The following FBXL13 variants were observed in gnomAD, a reference collection of about 807,000 sequenced individuals.
FBXL13 encodes the protein F-box and leucine-rich repeat protein 13.
FBXL13 carries 67 observed loss-of-function variants against 83.6 expected under a neutral mutation model. The ratio of observed to expected loss-of-function variants is 0.80; its 90% CI spans 0.66 to 0.98. FBXL13 has a LOEUF of 0.98. Among genes scored for constraint, FBXL13 ranks in the 50% least tolerant of loss-of-function variants. The pLI is 0.00. For synonymous variants in FBXL13, 272 were observed against 299.5 expected (o/e 0.91, Z 0.95); for missense variants, 822 against 866.5 (o/e 0.95, Z 0.64).
intron 17 of FBXL13, among the ~76,000 whole-genome samples, chr7:102,837,223 A>T (rs1030281159): frequency 6.6e-6 from 1 of 152,156 alleles, no homozygotes; most frequent in African/African-American, 2.4e-5. Context: ...CACCACAACT[A>T]AACTCTGCAG....
At chr7:102,933,480 T>C (rs1207635330) in intron 8 of FBXL13, 1 of 153,070 alleles carries the variant, frequency 6.5e-6, no homozygotes, top group Non-Finnish European at 1.5e-5. Flanking sequence ...AAGCATCTTA[T>C]GCGCATGAGC....
chr7:102,813,026 A>G (rs1055904053), downstream of FBXL13, among the ~76,000 whole-genome samples: 1 of 151,990 alleles, frequency 6.6e-6, no homozygotes, highest in Non-Finnish European at 1.5e-5. Flanking sequence ...TATTTTTAGT[A>G]AAGATGGGGT....
intron 6 of FBXL13, among the ~76,000 whole-genome samples, chr7:103,004,986 G>A (rs1790827886): frequency 6.6e-6 from 1 of 152,050 alleles, no homozygotes; most frequent in African/African-American, 2.4e-5. Context: ...GTAAATCAAG[G>A]AACATAGTCC....
chr7:102,882,120 T>C (rs1431486359), intron 14 of FBXL13, among the ~76,000 whole-genome samples: 1 of 151,990 alleles, frequency 6.6e-6, no homozygotes, highest in African/African-American at 2.4e-5. Context: ...ACTAGCTGGA[T>C]ATGATGGAGT....
At chr7:102,922,345 A>G (rs2129471060) in intron 10 of FBXL13, among the ~76,000 whole-genome samples, 1 of 151,992 alleles carries the variant, frequency 6.6e-6, no homozygotes, top group African/African-American at 2.4e-5. Flanking sequence ...TCATGACCAT[A>G]TTTTTTTTAT....
At chr7:102,935,345 G>A (rs1407552621) in intron 8 of FBXL13, among the ~76,000 whole-genome samples, 2 of 147,676 alleles carry the variant, frequency 1.4e-5, no homozygotes, top group Admixed American at 6.8e-5. Context: ...TCCACCTCCC[G>A]GGTTCGAGCA....
At chr7:103,032,252 C>G (rs1794583898) in intron 2 of FBXL13, among the ~76,000 whole-genome samples, 1 of 152,128 alleles carries the variant, frequency 6.6e-6, no homozygotes, top group Admixed American at 6.5e-5. Flanking sequence ...TTCAAACTTA[C>G]AGAGAAATAA....
intron 18 of FBXL13, 115 bp downstream of exon 19, chr7:102,832,725 A>G: frequency 7.9e-7 from 1 of 1,257,888 alleles, no homozygotes; most frequent in Non-Finnish European, 1.0e-6. Flanking sequence ...AATCCAATGA[A>G]TACCTCAACC....
chr7:102,986,296 G>A (rs1353747738), intron 6 of FBXL13, among the ~76,000 whole-genome samples: 1 of 152,204 alleles, frequency 6.6e-6, no homozygotes, highest in East Asian at 1.9e-4. Context: ...GGTGTGTGGG[G>A]ATGGGGAGGT....
At chr7:102,975,950 A>T (rs1261376800) in intron 6 of FBXL13, 2 of 765,356 alleles carry the variant, frequency 2.6e-6, no homozygotes, top group Non-Finnish European at 2.4e-6. Flanking sequence ...ATCCACCTCC[A>T]CCTGGTGCCT....
chr7:102,957,721 C>A lies in FBXL13; in HGVS notation c.724+5812G>T, dbSNP rs184850853. ...ACAAACAAACCCATCAAAAAGTGGG[C>A]AAAGGATATGAACAGACACTTCTTA... On this transcript the variant is annotated intron_variant, in intron 8 of 19. Transcript: ENST00000313221. Among the ~76,000 whole-genome samples the A allele has an allele frequency of 7.8e-3, 1,192 of 152,076 alleles. 23 individuals carry two copies. Among genetic ancestry groups the A allele is most frequent in the African/African-American group, 0.027 (1,136 of 41,460 alleles).
intron 11 of FBXL13, among the ~76,000 whole-genome samples, chr7:102,895,891 G>A: frequency 6.6e-6 from 1 of 152,172 alleles, no homozygotes; most frequent in East Asian, 1.9e-4. Flanking sequence ...AATGAACTGG[G>A]AACTAATGTG....
At chr7:102,867,930 C>T (rs1807989940) in intron 16 of FBXL13, among the ~76,000 whole-genome samples, 1 of 151,476 alleles carries the variant, frequency 6.6e-6, no homozygotes, top group African/African-American at 2.4e-5. Context: ...TCTCGATCTC[C>T]TGATCTCATG....
rs544127114 is a variant in FBXL13, at chr7:102,919,844, G to C, written c.878+6430C>G. On this transcript the variant is annotated intron_variant, in intron 10 of 19. Transcript: ENST00000313221. The stretch of plus-strand genomic sequence containing the variant: ...AAAGATTTTTAAAATTATATTTCCA[G>C]TTATCATCAGATGAATCAAAAGGCT... Among the ~76,000 whole-genome samples, 164 of 152,088 alleles carry C rather than the reference G, an allele frequency of 1.1e-3. 1 individual carries two copies. The highest frequency in any genetic ancestry group is 1.9e-3 in the Non-Finnish European group (129 of 68,028).
chr7:102,884,313 C>A lies in FBXL13; in HGVS notation c.1009-1G>T. The A allele has an allele frequency of 6.2e-7, 1 of 1,610,414 alleles. No individual in the cohort carries two copies. The highest frequency in any genetic ancestry group is 8.5e-7 in the Non-Finnish European group (1 of 1,176,952). ...TGTACCTGAAGCCTTGGACTGAAAT[C>A]TGAATTGTACAGAGTAGAAAATAAT... On this transcript the variant is annotated splice_acceptor_variant, in intron 11 of 19. Transcript: ENST00000313221. LOFTEE classifies it high-confidence loss of function.
Position 102,926,339 on chromosome 7 carries a change from C to CG in FBXL13, c.812dup (p.Val273GlyfsTer8), listed in dbSNP as rs1301967444. The stretch of plus-strand genomic sequence containing the variant: ...TAGACAGATTGAGACACAGGACCCC[C>CG]GGGCAGCCCTCAGAAATGTGTCTCA... On this transcript the variant is annotated frameshift_variant, in exon 10 of 20. Transcript: ENST00000313221. LOFTEE classifies it high-confidence loss of function. The CG allele has an allele frequency of 6.2e-7, 1 of 1,613,826 alleles. No homozygotes were observed. Among genetic ancestry groups the CG allele is most frequent in the African/African-American group, 1.3e-5 (1 of 75,006 alleles).
chr7:102,930,128 T>C (rs536824818), intron 9 of FBXL13, among the ~76,000 whole-genome samples: 1 of 152,200 alleles, frequency 6.6e-6, no homozygotes, highest in East Asian at 1.9e-4. Flanking sequence ...TGGTTCAGTA[T>C]TGAAATAGAG....
intron 17 of FBXL13, among the ~76,000 whole-genome samples, chr7:102,848,125 A>AT (rs903058599): frequency 2.6e-5 from 4 of 152,072 alleles, no homozygotes; most frequent in African/African-American, 7.2e-5. Context: ...ATGAAACCTG[A>AT]TTTTCTCCTG....
chr7:102,878,548 T>C (rs1584749578), intron 14 of FBXL13, 98 bp from the exon 16 acceptor site: 1 of 770,700 alleles, frequency 1.3e-6, no homozygotes, highest in South Asian at 3.5e-5. Flanking sequence ...ATTTCTAAAA[T>C]AGCAAGGTAA....
Sources: allele counts gnomAD v4.1 joint callset (sites outside exome capture counted in the v4.1 genomes callset), GRCh38; gene constraint gnomAD v4.1.1; transcripts MANE v1.5; gene names NCBI Gene and HGNC (gene_info 2026-07-23, HGNC 2026-07-21).